The following NKAIN3 variants were observed in gnomAD, a reference collection of about 807,000 sequenced individuals.
NKAIN3 encodes sodium/potassium transporting ATPase interacting 3, also known as sodium/potassium-transporting ATPase subunit beta-1-interacting protein 3.
Under a neutral mutation model 30.2 loss-of-function variants are expected in NKAIN3, and 25 were observed. The observed-to-expected ratio is 0.83, with a 90% CI of 0.60 to 1.16. The LOEUF (loss-of-function observed/expected upper bound fraction) is 1.16, where lower values mean the gene tolerates loss of function less well. Ranked by LOEUF, NKAIN3 falls within the 50% of genes most tolerant of loss-of-function variation. NKAIN3 has a pLI of 0.00. For synonymous variants in NKAIN3, 91 were observed against 89.6 expected (o/e 1.02, Z -0.09); for missense variants, 225 against 254.1 (o/e 0.89, Z 0.78).
intron 2 of NKAIN3, among the ~76,000 whole-genome samples, chr8:62,583,128 T>G (rs1402711678): frequency 1.3e-5 from 2 of 152,186 alleles, no homozygotes; most frequent in Non-Finnish European, 2.9e-5. Context: ...GGCAAAGTGT[T>G]CTTTGAGAGC....
chr8:62,541,246 G>T (rs1010151231), intron 1 of NKAIN3, among the ~76,000 whole-genome samples: 2 of 152,112 alleles, frequency 1.3e-5, no homozygotes, highest in African/African-American at 4.8e-5. Context: ...GAACCTGGGA[G>T]GGGGGAGGAT....
At chr8:62,412,437 G>A (rs966142092) in intron 1 of NKAIN3, among the ~76,000 whole-genome samples, 2 of 151,928 alleles carry the variant, frequency 1.3e-5, no homozygotes, top group South Asian at 2.1e-4. Context: ...AAATTAACTC[G>A]AAATGGATCA....
At chr8:62,415,058 A>C (rs1385046369) in intron 1 of NKAIN3, among the ~76,000 whole-genome samples, 2 of 144,678 alleles carry the variant, frequency 1.4e-5, no homozygotes, top group African/African-American at 5.0e-5. Context: ...TATATACTAT[A>C]TTATATTACA....
At chr8:62,716,864 G>A (rs970465561) in intron 3 of NKAIN3, among the ~76,000 whole-genome samples, 1 of 152,152 alleles carries the variant, frequency 6.6e-6, no homozygotes, top group Non-Finnish European at 1.5e-5. Context: ...TATGAGATGA[G>A]GTGGGAGGAT....
chr8:62,429,272 G>C (rs543502548), intron 1 of NKAIN3, among the ~76,000 whole-genome samples: 155 of 151,620 alleles, frequency 1.0e-3, no homozygotes, highest in Non-Finnish European at 1.7e-3. Flanking sequence ...ATTGTTTTGA[G>C]GTATATTTCT....
intron 5 of NKAIN3, among the ~76,000 whole-genome samples, chr8:62,945,213 G>T (rs958477192): frequency 6.6e-6 from 1 of 152,094 alleles, no homozygotes; most frequent in Admixed American, 6.6e-5. Context: ...GTATAAAAGA[G>T]AAAAAAGTAA....
At chr8:62,626,075 C>G (rs1295850128) in intron 3 of NKAIN3, among the ~76,000 whole-genome samples, 1 of 152,042 alleles carries the variant, frequency 6.6e-6, no homozygotes, top group Non-Finnish European at 1.5e-5. Context: ...TTTGAGTTCT[C>G]TTGCCTCTGA....
At chr8:62,700,111 C>A (rs1232322058) in intron 3 of NKAIN3, among the ~76,000 whole-genome samples, 1 of 151,948 alleles carries the variant, frequency 6.6e-6, no homozygotes, top group African/African-American at 2.4e-5. Flanking sequence ...GGCAATAGAG[C>A]AAGACCCTGT....
intron 1 of NKAIN3, among the ~76,000 whole-genome samples, chr8:62,387,046 A>G (rs949342981): frequency 1.3e-5 from 2 of 152,150 alleles, no homozygotes; most frequent in African/African-American, 4.8e-5. Context: ...GTGTTTTATT[A>G]ATTTATAGGA....
At chr8:62,783,846 T>C (rs902514285) in intron 4 of NKAIN3, among the ~76,000 whole-genome samples, 1 of 152,062 alleles carries the variant, frequency 6.6e-6, no homozygotes. Context: ...TGTTTCACCA[T>C]GTTGCCCAGG....
intron 3 of NKAIN3, among the ~76,000 whole-genome samples, chr8:62,592,603 G>A (rs1351098287): frequency 6.6e-6 from 1 of 151,900 alleles, no homozygotes; most frequent in African/African-American, 2.4e-5. Context: ...ACACAACCAT[G>A]TCAATGACTA....
At chr8:62,821,037 C>A (rs2130730689) in intron 4 of NKAIN3, among the ~76,000 whole-genome samples, 1 of 152,240 alleles carries the variant, frequency 6.6e-6, no homozygotes, top group East Asian at 1.9e-4. Context: ...TTGCAAAATT[C>A]AAAGCCTTTG....
chr8:62,406,787 G>A (rs1804084830), intron 1 of NKAIN3, among the ~76,000 whole-genome samples: 1 of 152,052 alleles, frequency 6.6e-6, no homozygotes, highest in African/African-American at 2.4e-5. Flanking sequence ...ATCTGAAAAG[G>A]GGACTTGAAT....
chr8:62,980,041 A>C lies in NKAIN3; in HGVS notation c.*14634A>C, dbSNP rs1161086285. On this transcript the variant is annotated 3_prime_UTR_variant, in exon 7 of 7. Coordinates refer to ENST00000623646, the MANE Select transcript of NKAIN3 (RefSeq NM_001304533.3). ...GGGCAAATAGGAAATCCTAGACCTCAGATCACTGTTCTTTGCTTCCCAAAA... is the reference window on the plus strand; with the variant it reads ...GGGCAAATAGGAAATCCTAGACCTCCGATCACTGTTCTTTGCTTCCCAAAA... 6.6e-6 allele frequency: 1 copy of C among 152,218 alleles called. No homozygotes were observed. Among genetic ancestry groups the C allele is most frequent in the Admixed American group, 6.5e-5 (1 of 15,276 alleles). 9.4% of individuals were successfully genotyped at this position (152,218 alleles called of 1,614,324 possible).
intron 4 of NKAIN3, among the ~76,000 whole-genome samples, chr8:62,869,037 G>T (rs1038814468): frequency 6.6e-6 from 1 of 152,178 alleles, no homozygotes; most frequent in Non-Finnish European, 1.5e-5. Context: ...TCGCAACTAC[G>T]CAGAATAGGA....
intron 3 of NKAIN3, among the ~76,000 whole-genome samples, chr8:62,685,561 T>C (rs1252146576): frequency 6.6e-6 from 1 of 152,192 alleles, no homozygotes; most frequent in Non-Finnish European, 1.5e-5. Context: ...ACAAAGCAAG[T>C]TCAGGAAAAT....
At chr8:62,317,086 G>A (rs1479515399) in intron 1 of NKAIN3, among the ~76,000 whole-genome samples, 1 of 152,158 alleles carries the variant, frequency 6.6e-6, no homozygotes, top group Non-Finnish European at 1.5e-5. Flanking sequence ...TTTGAGAAGT[G>A]TCTGTTCATA....
chr8:62,904,795 G>A (rs1821728534), intron 4 of NKAIN3, among the ~76,000 whole-genome samples: 1 of 152,216 alleles, frequency 6.6e-6, no homozygotes, highest in African/African-American at 2.4e-5. Flanking sequence ...AAGTTGAATT[G>A]AGAAAAAGCT....
At chr8:62,443,095 C>A (rs1219071962) in intron 1 of NKAIN3, among the ~76,000 whole-genome samples, 1 of 151,824 alleles carries the variant, frequency 6.6e-6, no homozygotes, top group African/African-American at 2.4e-5. Context: ...AGTTTATGAG[C>A]CATCTTATTC....
Sources: allele counts gnomAD v4.1 joint callset (sites outside exome capture counted in the v4.1 genomes callset), GRCh38; gene constraint gnomAD v4.1.1; transcripts MANE v1.5; gene names NCBI Gene and HGNC (gene_info 2026-07-23, HGNC 2026-07-21).